The following AP3S1 variants were observed in gnomAD, a reference collection of about 807,000 sequenced individuals.
AP3S1 encodes the protein adaptor related protein complex 3 subunit sigma 1.
AP3S1 carries 12 observed loss-of-function variants against 21.3 expected under a neutral mutation model. The ratio of observed to expected loss-of-function variants is 0.56; its 90% CI spans 0.36 to 0.91. AP3S1 has a LOEUF of 0.91. Ranked by LOEUF, AP3S1 falls within the 40% of genes least tolerant of loss-of-function variation. AP3S1 has a pLI of 0.01. For missense variants in AP3S1, 116 were observed against 225.0 expected (o/e 0.52, Z 3.10); for synonymous variants, 48 against 78.4 (o/e 0.61, Z 2.05).
intron 3 of AP3S1, among the ~76,000 whole-genome samples, chr5:115,874,665 T>C (rs527277715): frequency 3.1e-3 from 470 of 152,308 alleles, no homozygotes; most frequent in African/African-American, 0.011. Flanking sequence ...TTGTTATTAT[T>C]ACAGTACTGT....
chr5:115,906,180 A>T (rs867161191), intron 5 of AP3S1, among the ~76,000 whole-genome samples: 18 of 152,172 alleles, frequency 1.2e-4, no homozygotes, highest in African/African-American at 4.1e-4. Context: ...ACAAAAAAAG[A>T]CTTGTTTAAA....
At chr5:115,912,595 T>C (rs1752191986) in intron 5 of AP3S1, among the ~76,000 whole-genome samples, 1 of 152,096 alleles carries the variant, frequency 6.6e-6, no homozygotes, top group African/African-American at 2.4e-5. Context: ...TTACTACCTC[T>C]TGCATTTATG....
chr5:115,906,676 G>A (rs1407693658), intron 5 of AP3S1: 2 of 549,346 alleles, frequency 3.6e-6, no homozygotes, highest in Non-Finnish European at 5.8e-6. Context: ...TGGGGTTGGG[G>A]AGATCTGTTA....
At chr5:115,879,182 A>G (rs1204504937) in intron 3 of AP3S1, among the ~76,000 whole-genome samples, 1 of 152,002 alleles carries the variant, frequency 6.6e-6, no homozygotes, top group Non-Finnish European at 1.5e-5. Flanking sequence ...CTATGAATAC[A>G]GTTTATTTCT....
intron 5 of AP3S1, 39 bp downstream of exon 5, chr5:115,903,031 C>A: frequency 8.9e-7 from 1 of 1,120,148 alleles, no homozygotes; most frequent in Non-Finnish European, 1.2e-6. Flanking sequence ...AGGTTCTAAG[C>A]ATGATGACAG....
At chr5:115,874,818 A>G (rs1160626545) in intron 3 of AP3S1, among the ~76,000 whole-genome samples, 1 of 151,924 alleles carries the variant, frequency 6.6e-6, no homozygotes, top group East Asian at 1.9e-4. Flanking sequence ...TACAGACAAG[A>G]GGTTGTTAGA....
At chr5:115,894,687 T>C (rs1417496906) in intron 3 of AP3S1, among the ~76,000 whole-genome samples, 4 of 152,176 alleles carry the variant, frequency 2.6e-5, no homozygotes, top group African/African-American at 9.7e-5. Context: ...TAATTAAAAA[T>C]TACTGGCTGC....
At chr5:115,863,436 G>A (rs777400216) in intron 1 of AP3S1, among the ~76,000 whole-genome samples, 1 of 152,022 alleles carries the variant, frequency 6.6e-6, no homozygotes, top group East Asian at 1.9e-4. Flanking sequence ...AGCTGGGCAT[G>A]GTGGCGGGAA....
At chr5:115,893,347 A>G (rs1750480547) in intron 3 of AP3S1, among the ~76,000 whole-genome samples, 1 of 152,226 alleles carries the variant, frequency 6.6e-6, no homozygotes, top group South Asian at 2.1e-4. Flanking sequence ...AGACCATTGT[A>G]CAACAAGAAA....
intron 1 of AP3S1, among the ~76,000 whole-genome samples, chr5:115,844,194 C>T (rs1282188518): frequency 2.0e-5 from 3 of 152,058 alleles, no homozygotes; most frequent in Non-Finnish European, 4.4e-5. Flanking sequence ...TTCAGTCATT[C>T]ATTCCATCAG....
intron 1 of AP3S1, among the ~76,000 whole-genome samples, chr5:115,856,450 A>G (rs931453071): frequency 1.4e-5 from 2 of 145,066 alleles, no homozygotes; most frequent in Non-Finnish European, 3.0e-5. Flanking sequence ...TTTTTTTTCT[A>G]GAGATAGCAT....
intron 3 of AP3S1, among the ~76,000 whole-genome samples, chr5:115,884,921 C>T (rs1402938696): frequency 6.6e-6 from 1 of 152,158 alleles, no homozygotes; most frequent in Non-Finnish European, 1.5e-5. Flanking sequence ...AACACTGATA[C>T]AGACATTCTA....
intron 3 of AP3S1, among the ~76,000 whole-genome samples, chr5:115,890,660 A>G (rs1180947525): frequency 6.6e-6 from 1 of 152,230 alleles, no homozygotes; most frequent in African/African-American, 2.4e-5. Flanking sequence ...TGGGGGTGGA[A>G]CTTAAGTGGC....
chr5:115,898,641 T>G (rs1012850302), intron 4 of AP3S1: 2 of 152,214 alleles, frequency 1.3e-5, no homozygotes, highest in Non-Finnish European at 2.9e-5. Context: ...GTCTGAACTT[T>G]CCACTAGTGT....
At chr5:115,868,893 G>GAGAGAGAGAGAA (rs1554066585) in intron 2 of AP3S1, among the ~76,000 whole-genome samples, 2 of 120,410 alleles carry the variant, frequency 1.7e-5, no homozygotes, top group African/African-American at 6.4e-5. Context: ...AAAAGAAAGA[G>GAGAGAGAGAGAA]AGAGAGAGAG....
At chr5:115,866,384 T>C (rs1406905677) in intron 1 of AP3S1, among the ~76,000 whole-genome samples, 2 of 152,226 alleles carry the variant, frequency 1.3e-5, no homozygotes, top group Non-Finnish European at 2.9e-5. Context: ...GTTTCCCTTT[T>C]ACCAGTGTAT....
At chr5:115,867,649 C>A (rs551086140) in intron 2 of AP3S1, among the ~76,000 whole-genome samples, 1 of 152,238 alleles carries the variant, frequency 6.6e-6, no homozygotes, top group East Asian at 1.9e-4. Flanking sequence ...TACATACTTA[C>A]AAATTTTGCT....
At chr5:115,866,929 G>A (rs1763667509) in intron 2 of AP3S1, among the ~76,000 whole-genome samples, 168 bp downstream of exon 2, 1 of 151,986 alleles carries the variant, frequency 6.6e-6, no homozygotes, top group South Asian at 2.1e-4. Flanking sequence ...ATTTTTAAAA[G>A]ATATGCAATC....
chr5:115,853,011 T>C, intron 1 of AP3S1: 1 of 453,848 alleles, frequency 2.2e-6, no homozygotes. Flanking sequence ...TGCCAAATCA[T>C]ATGGTAAGAA....
Sources: allele counts gnomAD v4.1 joint callset (sites outside exome capture counted in the v4.1 genomes callset), GRCh38; gene constraint gnomAD v4.1.1; transcripts MANE v1.5; gene names NCBI Gene and HGNC (gene_info 2026-07-23, HGNC 2026-07-21).